The following CELF2 variants were observed in gnomAD, a reference collection of about 807,000 sequenced individuals.
CELF2 encodes CUG triplet repeat RNA-binding protein 2.
CELF2 carries 8 observed loss-of-function variants against 62.6 expected under a neutral mutation model. The observed-to-expected ratio is 0.13, with a 90% CI of 0.07 to 0.23. The LOEUF (loss-of-function observed/expected upper bound fraction) is 0.23, where lower values mean the gene tolerates loss of function less well. CELF2 is among the 10% of genes least tolerant of loss of function. CELF2 has a pLI of 1.00. For synonymous variants in CELF2, 258 were observed against 250.0 expected (o/e 1.03, Z -0.30); for missense variants, 333 against 671.0 (o/e 0.50, Z 5.56).
chr10:10,539,891 TC>T, the CELF2 span, among the ~76,000 whole-genome samples: 1 of 152,234 alleles, frequency 6.6e-6, no homozygotes, highest in African/African-American at 2.4e-5. Flanking sequence ...GCATAGGGCA[TC>T]TTTTCTAGAT....
At chr10:10,766,934 G>A in the CELF2 span, among the ~76,000 whole-genome samples, 27 of 152,218 alleles carry the variant, frequency 1.8e-4, no homozygotes, top group African/African-American at 3.9e-4. Context: ...TGGAGCACCC[G>A]TTCATTTCTC....
the CELF2 span, among the ~76,000 whole-genome samples, chr10:10,634,936 G>A: frequency 9.9e-5 from 15 of 152,156 alleles, no homozygotes; most frequent in African/African-American, 4.8e-5. Flanking sequence ...ATTCTGCGGG[G>A]CAGCAGTCCT....
At chr10:10,818,585 T>C (rs2056694188) in intron 1 of CELF2, among the ~76,000 whole-genome samples, 1 of 145,684 alleles carries the variant, frequency 6.9e-6, no homozygotes, top group South Asian at 2.2e-4. Flanking sequence ...AGAGTCTCAC[T>C]GTCTGTCGCC....
At chr10:10,566,928 T>C in the CELF2 span, among the ~76,000 whole-genome samples, 3 of 152,280 alleles carry the variant, frequency 2.0e-5, no homozygotes, top group Admixed American at 1.3e-4. Flanking sequence ...ATACAAGCTA[T>C]AGCCAAAGAA....
the CELF2 span, among the ~76,000 whole-genome samples, chr10:10,499,751 G>A: frequency 0.028 from 4,296 of 152,216 alleles, 182 homozygotes; most frequent in African/African-American, 0.098. Flanking sequence ...GGTGGCATGC[G>A]CCTGTAATCC....
At chr10:10,883,148 A>T (rs7100680) in intron 1 of CELF2, among the ~76,000 whole-genome samples, 7,215 of 152,232 alleles carry the variant, frequency 0.047, 836 homozygotes, top group East Asian at 0.32. Context: ...CTAGTAACAG[A>T]CCCATGTATA....
At chr10:10,683,977 T>C in the CELF2 span, among the ~76,000 whole-genome samples, 1 of 152,270 alleles carries the variant, frequency 6.6e-6, no homozygotes, top group South Asian at 2.1e-4. Context: ...TTTTCAGAAT[T>C]TCTACCTTTA....
chr10:10,704,413 T>C, the CELF2 span, among the ~76,000 whole-genome samples: 1 of 152,218 alleles, frequency 6.6e-6, no homozygotes, highest in Non-Finnish European at 1.5e-5. Flanking sequence ...ATTTTGGAAA[T>C]CAAACTGAAG....
intron 5 of CELF2, among the ~76,000 whole-genome samples, chr10:11,263,073 G>A (rs2081202305): frequency 6.7e-6 from 1 of 148,242 alleles, no homozygotes; most frequent in African/African-American, 2.5e-5. Context: ...AAGTGTAATA[G>A]GTGTGTTCCA....
chr10:10,697,906 C>G, the CELF2 span, among the ~76,000 whole-genome samples: 14 of 152,314 alleles, frequency 9.2e-5, no homozygotes, highest in Admixed American at 6.5e-4. Flanking sequence ...AATTCTCCCA[C>G]TTCAGCCTCC....
intron 7 of CELF2, among the ~76,000 whole-genome samples, chr10:11,272,213 T>C (rs1189310500): frequency 6.6e-6 from 1 of 152,230 alleles, no homozygotes; most frequent in Non-Finnish European, 1.5e-5. Flanking sequence ...TCTGTCCATT[T>C]CTCTACCTTG....
At position 11,159,160 on chromosome 10, in the gene CELF2, C is replaced by G. The variant is rs145173251; in HGVS notation, c.75-6326C>G. On this transcript the variant is annotated intron_variant, in intron 1 of 12. Coordinates refer to ENST00000633077, the MANE Select transcript of CELF2 (RefSeq NM_001326342.2). This position sits in a 1 kb window ranked among gnomAD's most constrained non-coding sequence, Gnocchi z 5.0. ...CATTCCATAATTTATGTGGCAGTGA[C>G]TCAAAAGGTTTAGTACACATGATAA... Among the ~76,000 whole-genome samples the G allele has an allele frequency of 1.8e-3, 277 of 152,306 alleles. 1 individual carries two copies. The highest frequency in any genetic ancestry group is 6.4e-3 in the African/African-American group (267 of 41,554).
the CELF2 span, among the ~76,000 whole-genome samples, chr10:10,775,681 G>C: frequency 2.5e-4 from 38 of 152,146 alleles, no homozygotes; most frequent in African/African-American, 8.2e-4. Context: ...AGCATCAGGG[G>C]CCTCCTAGGG....
chr10:10,607,701 A>G, the CELF2 span, among the ~76,000 whole-genome samples: 9 of 152,248 alleles, frequency 5.9e-5, no homozygotes, highest in Non-Finnish European at 1.2e-4. Context: ...ATCATTTTCA[A>G]TTAGATTCAG....
the CELF2 span, among the ~76,000 whole-genome samples, chr10:10,660,886 G>A: frequency 2.1e-3 from 326 of 152,280 alleles, no homozygotes; most frequent in Non-Finnish European, 3.7e-3. Context: ...AAATTCTACA[G>A]AACGAACACA....
rs112048197 is a variant in CELF2, at chr10:10,845,709, T to C, written c.53+46892T>C. On this transcript the variant is annotated intron_variant, in intron 1 of 13. Coordinates refer to the CELF2 transcript ENST00000636488. ...ATCTACAATTTTTATGTATCAGTTA[T>C]ACAGAAAAAATAAGTTTCATAACCA... is the stretch of plus-strand genomic sequence containing the variant. 1.3e-4 allele frequency among the ~76,000 whole-genome samples: 20 copies of C among 152,304 alleles called. 1 individual carries two copies. Among genetic ancestry groups the C allele is most frequent in the African/African-American group, 4.6e-4 (19 of 41,558 alleles).
rs547477221 is a variant in CELF2, at chr10:11,335,878, C to T, written c.*6825C>T. 1 of 152,260 alleles carries T rather than the reference C, an allele frequency of 6.6e-6. No homozygotes were observed. The highest frequency in any genetic ancestry group is 1.9e-4 in the East Asian group (1 of 5,190). 9.4% of individuals were successfully genotyped at this position (152,260 alleles called of 1,614,324 possible). On this transcript the variant is annotated 3_prime_UTR_variant, in exon 13 of 13. Transcript: ENST00000633077. This position sits in a 1 kb window ranked among gnomAD's most constrained non-coding sequence, Gnocchi z 5.0. ...AGAAAGACAAAGCCAGTTTTTGTTG[C>T]TTTTCTAAAGCAACAAATAATTCTC...
At chr10:11,219,077 G>C (rs2064083023) in intron 3 of CELF2, among the ~76,000 whole-genome samples, 1 of 152,220 alleles carries the variant, frequency 6.6e-6, no homozygotes, top group African/African-American at 2.4e-5. Flanking sequence ...ACTTGAGACA[G>C]TGAACTGTTG....
chr10:10,463,873 T>C, the CELF2 span, among the ~76,000 whole-genome samples: 2 of 152,094 alleles, frequency 1.3e-5, no homozygotes, highest in South Asian at 4.1e-4. Flanking sequence ...TTTTGTCCTT[T>C]GGTTTTGAAT....
Sources: gnomAD v4.1 joint callset for allele counts (sites outside exome capture counted in the v4.1 genomes callset) on GRCh38, gnomAD v4.1.1 for gene constraint, Gnocchi (gnomAD v3.1) non-coding constraint, MANE v1.5 for transcripts, NCBI Gene and HGNC (gene_info 2026-07-23, HGNC 2026-07-21) for gene names.